Variants in UST observed in about 807,000 individuals in gnomAD.
The protein encoded by UST is uronyl 2-sulfotransferase.
Under a neutral mutation model 45.6 loss-of-function variants are expected in UST, and 21 were observed. The ratio of observed to expected loss-of-function variants is 0.46; its 90% confidence interval spans 0.33 to 0.66. The LOEUF (loss-of-function observed/expected upper bound fraction) is 0.66, where lower values mean the gene tolerates loss of function less well. UST is among the 30% of genes least tolerant of loss of function. The pLI is 0.02. For synonymous variants in UST, 215 were observed against 200.6 expected, an observed-to-expected ratio of 1.07 and a Z score of -0.61; for missense variants, 463 against 512.4, an observed-to-expected ratio of 0.90 and a Z score of 0.93.
At chr6:148,984,855 G>C (rs1781210390) in intron 5 of UST, among the ~76,000 whole-genome samples, 1 of 152,218 alleles carries the variant, frequency 6.6e-6, no homozygotes, top group African/African-American at 2.4e-5. Flanking sequence ...GTTTGGAGTA[G>C]AGCAAAATAA....
At chr6:148,979,528 C>T (rs1164091460) in intron 5 of UST, among the ~76,000 whole-genome samples, 1 of 152,184 alleles carries the variant, frequency 6.6e-6, no homozygotes, top group Non-Finnish European at 1.5e-5. Flanking sequence ...ACCCTGAGCA[C>T]ACTTGACATT....
intron 1 of UST, among the ~76,000 whole-genome samples, chr6:148,764,236 TTATTA>T (rs1235070075): frequency 1.3e-5 from 2 of 152,284 alleles, no homozygotes; most frequent in African/African-American, 4.8e-5. Context: ...CCTAGGAGTT[TTATTA>T]TTTTTTGTGG....
chr6:149,059,409 G>A (rs1225557966), intron 7 of UST, among the ~76,000 whole-genome samples: 1 of 152,198 alleles, frequency 6.6e-6, no homozygotes, highest in Non-Finnish European at 1.5e-5. Flanking sequence ...CACGAAAGGT[G>A]GACATCTGCG....
chr6:148,936,573 C>CTT (rs138494669), intron 2 of UST, among the ~76,000 whole-genome samples: 32 of 85,370 alleles, frequency 3.7e-4, no homozygotes, highest in Non-Finnish European at 4.4e-4. Flanking sequence ...AAAATCAGTC[C>CTT]TTTTTTTTTT....
chr6:148,794,279 C>T (rs1422988879), intron 1 of UST, among the ~76,000 whole-genome samples: 1 of 152,164 alleles, frequency 6.6e-6, no homozygotes, highest in Non-Finnish European at 1.5e-5. Context: ...CAAGATGAAC[C>T]TTCTCTTTCC....
intron 1 of UST, among the ~76,000 whole-genome samples, chr6:148,881,004 G>A (rs1179059414): frequency 6.6e-6 from 1 of 151,810 alleles, no homozygotes; most frequent in Non-Finnish European, 1.5e-5. Context: ...ACTCCAGCCT[G>A]GGTGACAGAA....
At chr6:148,877,360 A>G (rs1295837066) in intron 1 of UST, among the ~76,000 whole-genome samples, 4 of 35,132 alleles carry the variant, frequency 1.1e-4, no homozygotes, top group Non-Finnish European at 2.0e-4. Flanking sequence ...GAGTGCAGAG[A>G]TCGTGTATGA....
intron 7 of UST, among the ~76,000 whole-genome samples, chr6:149,036,229 C>T (rs1205808361): frequency 6.6e-6 from 1 of 152,230 alleles, no homozygotes; most frequent in Non-Finnish European, 1.5e-5. Context: ...CTGCCAGCCT[C>T]AGACCCAGCT....
chr6:148,943,307 C>T (rs531959155), intron 3 of UST, among the ~76,000 whole-genome samples: 28 of 152,238 alleles, frequency 1.8e-4, no homozygotes, highest in African/African-American at 6.3e-4. Flanking sequence ...CAACAAACTA[C>T]CTGCAGAGAG....
intron 7 of UST, among the ~76,000 whole-genome samples, chr6:149,068,460 C>A (rs1776773366): frequency 6.6e-6 from 1 of 152,164 alleles, no homozygotes; most frequent in Non-Finnish European, 1.5e-5. Flanking sequence ...CACATTAGTT[C>A]CCATTAACTG....
intron 5 of UST, among the ~76,000 whole-genome samples, chr6:148,989,154 C>A (rs1243666199): frequency 6.6e-6 from 1 of 151,574 alleles, no homozygotes; most frequent in African/African-American, 2.4e-5. Flanking sequence ...TCTGAAGAAG[C>A]TACTTCTGGT....
rs534872019 is a variant in UST at position 148,819,084 on chromosome 6, G to A, written c.248-67902G>A. ...CTTTCATGGAGAGGCTGCATTTGAA[G>A]CAAAACCCCGCTGGGCTCTGTGAGC... is the stretch of plus-strand genomic sequence containing the variant. On this transcript the variant is annotated intron_variant, in intron 1 of 7. Coordinates refer to ENST00000367463, the MANE Select transcript of UST (RefSeq NM_005715.3). Among the ~76,000 whole-genome samples the A allele has an allele frequency of 4.9e-4, 75 of 152,294 alleles. 1 individual carries two copies. Among genetic ancestry groups the A allele is most frequent in the African/African-American group, 1.7e-3 (72 of 41,560 alleles).
At chr6:148,868,864 A>G (rs139952130) in intron 1 of UST, among the ~76,000 whole-genome samples, 26 of 152,278 alleles carry the variant, frequency 1.7e-4, no homozygotes, top group African/African-American at 5.8e-4. Context: ...TTAATGTACC[A>G]TGTTCTTAAA....
chr6:148,761,144 G>GT (rs1326012744), intron 1 of UST, among the ~76,000 whole-genome samples: 3 of 152,324 alleles, frequency 2.0e-5, no homozygotes, highest in African/African-American at 7.2e-5. Context: ...GCCCCCAGCG[G>GT]GCTGGCTGGA....
At chr6:149,046,532 T>C (rs2115034148) in intron 7 of UST, among the ~76,000 whole-genome samples, 1 of 152,340 alleles carries the variant, frequency 6.6e-6, no homozygotes, top group Middle Eastern at 3.4e-3. Context: ...TTGCAGTCAG[T>C]AGACATGGGT....
chr6:148,921,238 G>A (rs1342969863), intron 2 of UST, among the ~76,000 whole-genome samples: 2 of 152,216 alleles, frequency 1.3e-5, no homozygotes, highest in Non-Finnish European at 2.9e-5. Flanking sequence ...TGAAGACAGA[G>A]CTCCTGCCTG....
chr6:148,862,095 G>C lies in UST; in HGVS notation c.248-24891G>C, dbSNP rs550818335. Reference sequence around the variant, plus strand: ...TGGATCTGTCTAATGTTGACAGTGGGGTGTTAAAGTCTCCCATTATTATTG... The same window carrying C: ...TGGATCTGTCTAATGTTGACAGTGGCGTGTTAAAGTCTCCCATTATTATTG... On this transcript the variant is annotated intron_variant, in intron 1 of 7. Coordinates refer to ENST00000367463, the MANE Select transcript of UST (RefSeq NM_005715.3). 2.0e-5 allele frequency among the ~76,000 whole-genome samples: 3 copies of C among 152,214 alleles called. No homozygotes were observed. In the South Asian group the frequency reaches 6.3e-4, roughly 32 times the overall value.
intron 5 of UST, chr6:148,990,543 C>T (rs1781329234): frequency 2.3e-6 from 1 of 431,148 alleles, no homozygotes; most frequent in Non-Finnish European, 3.1e-6. Context: ...TCATATTTTC[C>T]ATCTTAGCCC....
intron 2 of UST, among the ~76,000 whole-genome samples, chr6:148,939,980 A>AAT (rs1350920275): frequency 1.3e-5 from 2 of 152,152 alleles, no homozygotes; most frequent in Non-Finnish European, 2.9e-5. Flanking sequence ...GCAAATCCAG[A>AAT]ATATATATAT....
Sources: gnomAD v4.1 joint callset for allele counts (sites outside exome capture counted in the v4.1 genomes callset) on GRCh38, gnomAD v4.1.1 for gene constraint, MANE v1.5 for transcripts, NCBI Gene and HGNC (gene_info 2026-07-23, HGNC 2026-07-21) for gene names.